Variants in TRAPPC9 observed in about 807,000 individuals in gnomAD.
TRAPPC9 encodes the protein trafficking protein particle complex subunit 9.
Under a neutral mutation model 124.0 loss-of-function variants are expected in TRAPPC9, and 83 were observed. The observed-to-expected ratio is 0.67, with a 90% CI of 0.56 to 0.80. The LOEUF is 0.80. TRAPPC9 is among the 30% of genes least tolerant of loss of function. The probability of loss-of-function intolerance (pLI) is 0.00; values close to 1 mark genes in which losing one functional copy is unlikely to be tolerated. For missense variants in TRAPPC9, 1,302 were observed against 1,508.3 expected (o/e 0.86, Z 2.27); for synonymous variants, 638 against 617.5 (o/e 1.03, Z -0.49).
intron 18 of TRAPPC9, among the ~76,000 whole-genome samples, chr8:139,991,250 TCA>T (rs1837622609): frequency 6.6e-6 from 1 of 152,246 alleles, no homozygotes; most frequent in Non-Finnish European, 1.5e-5. Flanking sequence ...TTGTTTTCAC[TCA>T]CAGAATACGG....
intron 7 of TRAPPC9, among the ~76,000 whole-genome samples, chr8:140,393,197 G>A (rs145540423): frequency 8.8e-4 from 133 of 151,966 alleles, no homozygotes; most frequent in African/African-American, 1.2e-3. Context: ...TCAGCCTCCC[G>A]AGTAGCTGGT....
At chr8:140,249,100 AGGTTTG>A (rs1467195738) in intron 16 of TRAPPC9, among the ~76,000 whole-genome samples, 2 of 152,024 alleles carry the variant, frequency 1.3e-5, no homozygotes, top group African/African-American at 4.8e-5. Context: ...TGTGATGCTG[AGGTTTG>A]GGAAATGAGT....
intron 21 of TRAPPC9, among the ~76,000 whole-genome samples, chr8:139,760,907 A>G (rs1225292450): frequency 6.6e-6 from 1 of 152,148 alleles, no homozygotes; most frequent in Non-Finnish European, 1.5e-5. Context: ...GAGCTACAAA[A>G]TGAGATTTGG....
chr8:139,976,297 G>C (rs1836459718), intron 19 of TRAPPC9, among the ~76,000 whole-genome samples: 1 of 152,058 alleles, frequency 6.6e-6, no homozygotes, highest in African/African-American at 2.4e-5. Flanking sequence ...AAAGGATTAT[G>C]GACATAAATG....
Position 140,360,090 on chromosome 8 carries a change from G to A in TRAPPC9, c.1455C>T (p.Ser485=), listed in dbSNP as rs1268156974. ...GNPALSVRHL[S]FLLQTMLDFL... ...AGTCCAGCATGGTCTGTAGAAGGAA[G>A]GACAGGTGTCTGACAGAGAGGGCAG... The change falls in exon 9 of 23, where the codon TCC becomes TCT. Residue 485 remains serine, a synonymous_variant. Coordinates refer to ENST00000438773, the MANE Select transcript of TRAPPC9 (RefSeq NM_001160372.4). 1 of 1,614,204 alleles carries A rather than the reference G, an allele frequency of 6.2e-7. No individual in the cohort carries two copies. The highest frequency in any genetic ancestry group is 8.5e-7 in the Non-Finnish European group (1 of 1,180,042).
intron 18 of TRAPPC9, among the ~76,000 whole-genome samples, chr8:140,005,302 G>C (rs1336045621): frequency 1.3e-5 from 2 of 152,144 alleles, no homozygotes; most frequent in Non-Finnish European, 2.9e-5. Context: ...CTGGGTTTGG[G>C]CTTCACTGTG....
intron 9 of TRAPPC9, among the ~76,000 whole-genome samples, chr8:140,331,380 CAT>C (rs1157078240): frequency 6.6e-6 from 1 of 151,916 alleles, no homozygotes; most frequent in Non-Finnish European, 1.5e-5. Flanking sequence ...AGAAGAAAAA[CAT>C]AGGGAAAACA....
intron 21 of TRAPPC9, among the ~76,000 whole-genome samples, chr8:139,832,382 G>T (rs938144729): frequency 6.6e-6 from 1 of 152,208 alleles, no homozygotes; most frequent in Admixed American, 6.5e-5. Context: ...GGGTGTTCGC[G>T]TGGAGCAGCT....
intron 22 of TRAPPC9, among the ~76,000 whole-genome samples, 178 bp from the exon 23 acceptor site, chr8:139,731,406 T>A (rs528674397): frequency 3.3e-5 from 5 of 152,258 alleles, no homozygotes; most frequent in Non-Finnish European, 7.4e-5. Context: ...AGTTTTCATC[T>A]TGGAAAGGAG....
At chr8:140,362,852 G>A (rs1000793476) in intron 8 of TRAPPC9, among the ~76,000 whole-genome samples, 9 of 152,166 alleles carry the variant, frequency 5.9e-5, no homozygotes, top group African/African-American at 2.2e-4. Context: ...ATATCACTTT[G>A]CTGATTCTTT....
At chr8:139,869,738 T>C (rs1337153048) in intron 21 of TRAPPC9, among the ~76,000 whole-genome samples, 2 of 152,166 alleles carry the variant, frequency 1.3e-5, no homozygotes, top group Non-Finnish European at 2.9e-5. Context: ...TACCATTATA[T>C]TAGAAAGCAA....
intron 21 of TRAPPC9, among the ~76,000 whole-genome samples, chr8:139,851,238 A>G (rs1827429101): frequency 6.6e-6 from 1 of 152,218 alleles, no homozygotes. Context: ...TATCAGGGTC[A>G]GGGAACAGCA....
intron 21 of TRAPPC9, among the ~76,000 whole-genome samples, chr8:139,823,851 C>T (rs1825436548): frequency 6.6e-6 from 1 of 152,186 alleles, no homozygotes; most frequent in South Asian, 2.1e-4. Flanking sequence ...GTCTCGCGGC[C>T]ACATGATGGT....
At chr8:140,231,120 A>G (rs1005572307) in intron 16 of TRAPPC9, among the ~76,000 whole-genome samples, 1 of 152,210 alleles carries the variant, frequency 6.6e-6, no homozygotes, top group Non-Finnish European at 1.5e-5. Flanking sequence ...GGAGAAAGAT[A>G]TTTGCTGGGT....
At chr8:140,287,505 G>A in intron 13 of TRAPPC9, 103 bp downstream of exon 13, 1 of 1,464,218 alleles carries the variant, frequency 6.8e-7, no homozygotes, top group Non-Finnish European at 9.6e-7. Flanking sequence ...TCTTCTAACT[G>A]GTTAGGACTG....
chr8:140,393,609 T>C (rs2068997276), intron 7 of TRAPPC9, among the ~76,000 whole-genome samples: 1 of 152,172 alleles, frequency 6.6e-6, no homozygotes, highest in South Asian at 2.1e-4. Context: ...TAAATCCAGA[T>C]GTATTATTTA....
chr8:139,889,515 T>C (rs1011577236), intron 20 of TRAPPC9, among the ~76,000 whole-genome samples: 3 of 152,152 alleles, frequency 2.0e-5, no homozygotes, highest in African/African-American at 7.2e-5. Flanking sequence ...GAGTGTTTCA[T>C]GGGTGCCCAG....
intron 22 of TRAPPC9, among the ~76,000 whole-genome samples, chr8:139,731,618 G>C (rs768185642): frequency 2.6e-5 from 4 of 152,086 alleles, no homozygotes; most frequent in Non-Finnish European, 5.9e-5. Flanking sequence ...CGTAGGGCTG[G>C]AGCCTTTCCG....
intron 9 of TRAPPC9, among the ~76,000 whole-genome samples, chr8:140,356,723 C>A (rs1437949590): frequency 6.6e-6 from 1 of 151,858 alleles, no homozygotes; most frequent in Non-Finnish European, 1.5e-5. Flanking sequence ...GATTCTCCTG[C>A]CTCAGCCTCC....
Sources: gnomAD v4.1 joint callset for allele counts (sites outside exome capture counted in the v4.1 genomes callset) on GRCh38, gnomAD v4.1.1 for gene constraint, MANE v1.5 for transcripts, NCBI Gene and HGNC (gene_info 2026-07-23, HGNC 2026-07-21) for gene names.